The following TUBA3C variants were observed in gnomAD, a reference collection of about 807,000 sequenced individuals.
TUBA3C encodes the protein tubulin alpha 3c, also known as tubulin alpha-3C chain.
TUBA3C carries 23 observed loss-of-function variants against 33.4 expected under a neutral mutation model. The observed-to-expected ratio is 0.69, with a 90% confidence interval of 0.50 to 0.98. The LOEUF is 0.98. TUBA3C is among the 50% of genes least tolerant of loss of function. TUBA3C has a pLI of 0.00. For missense variants in TUBA3C, 402 were observed against 616.0 expected (o/e 0.65, Z 3.68); for synonymous variants, 269 against 250.4 (o/e 1.07, Z -0.70).
chr13:19,179,651 T>C, intron 1 of TUBA3C, 88 bp from the exon 2 acceptor site: 1 of 1,424,904 alleles, frequency 7.0e-7, no homozygotes, highest in African/African-American at 1.4e-5. Context: ...TTAATATTTA[T>C]ATACTGCTTC....
At chr13:19,179,235 A>G in intron 2 of TUBA3C, 106 bp downstream of exon 2, 1 of 1,509,992 alleles carries the variant, frequency 6.6e-7, no homozygotes, top group Non-Finnish European at 8.9e-7. Context: ...ATGCTTGTCT[A>G]TCTCATACCT....
intron 2 of TUBA3C, among the ~76,000 whole-genome samples, 166 bp downstream of exon 2, chr13:19,179,173 TCA>T (rs1049396781): frequency 3.3e-5 from 5 of 152,198 alleles, no homozygotes; most frequent in African/African-American, 1.2e-4. Context: ...GAGCCGAATC[TCA>T]CAGACACTTT....
rs1012024984 is a variant in TUBA3C at position 19,177,703 on chromosome 13, T to A, written c.376-96A>T. 156 of 1,436,852 alleles carry A rather than the reference T, an allele frequency of 1.1e-4. No individual in the cohort carries two copies. Among genetic ancestry groups the A allele is most frequent in the Non-Finnish European group, 1.4e-4 (145 of 1,072,388 alleles). The allele number at this position is 1,436,852 out of a possible 1,614,324, so 89.0% of individuals were successfully genotyped here. A position where few individuals can be genotyped will look rare whatever the true frequency, so the allele number is the denominator to read the frequency against. On this transcript the variant is annotated intron_variant, in intron 3 of 4. Transcript: ENST00000400113. This position sits in a 1 kb window ranked among gnomAD's most constrained non-coding sequence, Gnocchi z 5.0. ...CACTTCTCTGCCTCTGAAGACTTGA[T>A]ATGGATTCCAATCATCCATAATAAA...
In TUBA3C at chr13:19,177,340, G is replaced by T; in HGVS notation, c.643C>A (p.Arg215Ser). 1 of 1,614,106 alleles carries T rather than the reference G, an allele frequency of 6.2e-7. No individual in the cohort carries two copies. The highest frequency in any genetic ancestry group is 1.3e-5 in the African/African-American group (1 of 75,016). Reference protein sequence around the residue: ...DNEAIYDICRRNLDIERPTYT... With the variant: ...DNEAIYDICRSNLDIERPTYT... ...GTGGGACGCTCGATGTCCAGGTTGC[G>T]CCGACATATGTCATAGATGGCTTCA... Residue 215 changes from arginine (R) to serine (S), a missense_variant, in exon 4 of 5, where the codon CGC (arginine) becomes AGC (serine). By Grantham distance (110) the Arg-to-Ser change is moderately radical (BLOSUM62 -1). Coordinates refer to ENST00000400113, the MANE Select transcript of TUBA3C (RefSeq NM_006001.3). This position sits in a 1 kb window ranked among gnomAD's most constrained non-coding sequence, Gnocchi z 5.0.
Position 19,178,242 on chromosome 13 carries a change from T to G in TUBA3C, c.375+4A>C. 1 of 1,614,168 alleles carries G rather than the reference T, an allele frequency of 6.2e-7. No individual in the cohort carries two copies. The highest frequency in any genetic ancestry group is 8.5e-7 in the Non-Finnish European group (1 of 1,180,022). ...AATGGTCACATGAAGCCTTCTCTTC[T>G]TACCAGTTTGCGGATCCGGTCCAGG... On this transcript the variant is annotated splice_donor_region_variant and intron_variant, in intron 3 of 4. Transcript: ENST00000400113.
intron 1 of TUBA3C, among the ~76,000 whole-genome samples, 163 bp downstream of exon 1, chr13:19,181,582 C>A (rs749415160): frequency 2.0e-5 from 3 of 152,134 alleles, no homozygotes; most frequent in African/African-American, 7.2e-5. Context: ...ACCCAGCAGA[C>A]GATGCCGTGT....
chr13:19,181,214 G>A (rs768739565), intron 1 of TUBA3C, among the ~76,000 whole-genome samples: 14 of 151,712 alleles, frequency 9.2e-5, no homozygotes, highest in Non-Finnish European at 1.3e-4. Context: ...CTCCACCCCG[G>A]GAATTTTTCT....
rs1869421174 is a variant in TUBA3C, at chr13:19,181,612, C to T, written c.3+133G>A. 1.2e-5 allele frequency: 15 copies of T among 1,291,598 alleles called. No homozygotes were observed. The South Asian group carries it at 1.2e-4, about 11-fold the overall frequency. The allele number at this position is 1,291,598 out of a possible 1,614,324, so 80.0% of individuals were successfully genotyped here. A position where few individuals can be genotyped will look rare whatever the true frequency, so the allele number is the denominator to read the frequency against. ...CCGTGTCCTCGTGTCCCGCCCTGGG[C>T]CCCGCATCCTTCTCTGACCTCCTTT... is the stretch of plus-strand genomic sequence containing the variant. On this transcript the variant is annotated intron_variant, in intron 1 of 4. Transcript: ENST00000400113.
intron 4 of TUBA3C, among the ~76,000 whole-genome samples, chr13:19,175,671 C>T (rs762656186): frequency 5.3e-5 from 8 of 152,194 alleles, no homozygotes; most frequent in Non-Finnish European, 1.2e-4. Context: ...ATTGATTTTG[C>T]TATCCGACAG....
intron 2 of TUBA3C, 21 bp from the exon 3 acceptor site, chr13:19,178,415 A>C: frequency 1.2e-6 from 2 of 1,613,692 alleles, no homozygotes; most frequent in Admixed American, 1.7e-5. Flanking sequence ...GACCGTATGT[A>C]CTGTGAATCT....
Position 19,179,376 on chromosome 13 carries a change from C to CT in TUBA3C, c.190dup (p.Arg64LysfsTer14), listed in dbSNP as rs1288963669. Reference sequence around the variant, plus strand: ...GGGCTCCAGGTCCACAAACACTGCTCTGGGCACGTGCTTGCCAGCTCCAGT... The same window carrying CT: ...GGGCTCCAGGTCCACAAACACTGCTCTTGGGCACGTGCTTGCCAGCTCCAGT... On this transcript the variant is annotated frameshift_variant, in exon 2 of 5. Transcript: ENST00000400113. LOFTEE classifies it high-confidence loss of function. 1 of 1,613,892 alleles carries CT rather than the reference C, an allele frequency of 6.2e-7. No individual in the cohort carries two copies. Among genetic ancestry groups the CT allele is most frequent in the African/African-American group, 1.3e-5 (1 of 74,930 alleles).
chr13:19,174,560 TA>T (rs1869116564), intron 4 of TUBA3C, among the ~76,000 whole-genome samples: 1 of 152,058 alleles, frequency 6.6e-6, no homozygotes, highest in African/African-American at 2.4e-5. Context: ...GGGAATCTTG[TA>T]GGTGGTGTAT....
At chr13:19,180,218 G>A (rs1869353845) in intron 1 of TUBA3C, among the ~76,000 whole-genome samples, 1 of 152,094 alleles carries the variant, frequency 6.6e-6, no homozygotes, top group Non-Finnish European at 1.5e-5. Flanking sequence ...CACCTTTCAT[G>A]GGCGATACAA....
At position 19,177,660 on chromosome 13, in the gene TUBA3C, C is replaced by T; in HGVS notation, c.376-53G>A. On this transcript the variant is annotated intron_variant, in intron 3 of 4. Coordinates refer to ENST00000400113, the MANE Select transcript of TUBA3C (RefSeq NM_006001.3). The surrounding 1 kb of genome is among the most constrained non-coding windows in gnomAD (Gnocchi z 5.0). ...ATGCCCGTGGAAGCCACACCACCAA[C>T]CTCCACCAAGCCAGGGCCACTTCTC... 1 of 1,525,270 alleles carries T rather than the reference C, an allele frequency of 6.6e-7. No homozygotes were observed. 94.5% of individuals were successfully genotyped at this position (1,525,270 alleles called of 1,614,324 possible).
intron 4 of TUBA3C, among the ~76,000 whole-genome samples, chr13:19,176,394 C>T (rs1261489716): frequency 6.6e-6 from 1 of 152,018 alleles, no homozygotes; most frequent in Non-Finnish European, 1.5e-5. Flanking sequence ...CCAGCCTTCT[C>T]AACAACAAAG....
intron 2 of TUBA3C, 123 bp downstream of exon 2, chr13:19,179,218 T>A: frequency 7.0e-7 from 1 of 1,438,654 alleles, no homozygotes; most frequent in Non-Finnish European, 9.3e-7. Context: ...GTTAACACCA[T>A]GGGAATATGC....
intron 1 of TUBA3C, among the ~76,000 whole-genome samples, chr13:19,180,018 AC>A (rs887659624): frequency 6.7e-6 from 1 of 149,510 alleles, no homozygotes; most frequent in Non-Finnish European, 1.5e-5. Flanking sequence ...CTCTCTCTGC[AC>A]CCCCAGATCT....
rs1869251006 is a variant in TUBA3C at position 19,177,718 on chromosome 13, T to C, written c.376-111A>G. The C allele has an allele frequency of 7.3e-7, 1 of 1,366,670 alleles. No homozygotes were observed. The highest frequency in any genetic ancestry group is 9.8e-7 in the Non-Finnish European group (1 of 1,016,206). 84.7% of individuals were successfully genotyped at this position (1,366,670 alleles called of 1,614,324 possible). On this transcript the variant is annotated intron_variant, in intron 3 of 4. Coordinates refer to ENST00000400113, the MANE Select transcript of TUBA3C (RefSeq NM_006001.3). The surrounding 1 kb of genome is among the most constrained non-coding windows in gnomAD (Gnocchi z 5.0). ...GAAGACTTGATATGGATTCCAATCA[T>C]CCATAATAAACACGCAGTACACTCT...
intron 4 of TUBA3C, among the ~76,000 whole-genome samples, 186 bp downstream of exon 4, chr13:19,176,725 CAAAAAAAAAAAAAAAA>C (rs55746544): frequency 0.22 from 7,709 of 35,128 alleles, 737 homozygotes; most frequent in East Asian, 0.41. Flanking sequence ...GACTCTGCCT[CAAAAAAAAAAAAAAAA>C]AAAAAAAAAA....
Sources: gnomAD v4.1 joint callset for allele counts (sites outside exome capture counted in the v4.1 genomes callset) on GRCh38, gnomAD v4.1.1 for gene constraint, Gnocchi (gnomAD v3.1) non-coding constraint, MANE v1.5 for transcripts, NCBI Gene and HGNC (gene_info 2026-07-23, HGNC 2026-07-21) for gene names.